PEX7: variants seen among roughly 807,000 people sequenced by gnomAD.
PEX7 encodes the protein PTS2 receptor.
PEX7 carries 34 observed loss-of-function variants against 47.5 expected under a neutral mutation model. The ratio of observed to expected loss-of-function variants is 0.72; its 90% CI spans 0.54 to 0.95. The LOEUF (loss-of-function observed/expected upper bound fraction) is 0.95, where lower values mean the gene tolerates loss of function less well. PEX7 is among the 40% of genes least tolerant of loss of function. The pLI is 0.00. For synonymous variants in PEX7, 141 were observed against 148.8 expected (o/e 0.95, Z 0.38); for missense variants, 394 against 400.3 (o/e 0.98, Z 0.13).
chr6:136,849,719 A>AGTTTGTTATAATTTCTGTTC (rs1774701293), intron 5 of PEX7, among the ~76,000 whole-genome samples: 1 of 152,102 alleles, frequency 6.6e-6, no homozygotes, highest in Non-Finnish European at 1.5e-5. Flanking sequence ...TCCGGGAGAA[A>AGTTTGTTATAATTTCTGTTC]GTTTGTTATA....
intron 3 of PEX7, among the ~76,000 whole-genome samples, chr6:136,836,292 AGTG>A (rs1181402422): frequency 6.6e-6 from 1 of 152,016 alleles, no homozygotes; most frequent in Non-Finnish European, 1.5e-5. Flanking sequence ...AAATATATAT[AGTG>A]TATATACATT....
intron 1 of PEX7, chr6:136,823,273 G>T (rs537750907): frequency 7.1e-6 from 7 of 985,444 alleles, no homozygotes; most frequent in Non-Finnish European, 8.4e-6. Flanking sequence ...CCTTCCTAAG[G>T]ACGATGCTCC....
chr6:136,825,813 G>A lies in PEX7; in HGVS notation c.189-506G>A, dbSNP rs150680931. The stretch of plus-strand genomic sequence containing the variant: ...GCCTCCCAAAGTGGGTATTATATGC[G>A]TGAGCCACTGGGCCCAGCCTAAAAA... On this transcript the variant is annotated intron_variant, in intron 2 of 9. Coordinates refer to ENST00000318471, the MANE Select transcript of PEX7 (RefSeq NM_000288.4). 9.1e-3 allele frequency among the ~76,000 whole-genome samples: 1,391 copies of A among 152,174 alleles called. 23 individuals carry two copies. The highest frequency in any genetic ancestry group is 0.03 in the African/African-American group (1,263 of 41,506).
Position 136,900,132 on chromosome 6 carries a change from A to G in PEX7, c.903+1891A>G, listed in dbSNP as rs1173482602. The G allele has an allele frequency of 6.5e-6, 1 of 154,196 alleles. No individual in the cohort carries two copies. 9.6% of individuals were successfully genotyped at this position (154,196 alleles called of 1,614,324 possible). On this transcript the variant is annotated intron_variant, in intron 9 of 9. Transcript: ENST00000318471. The surrounding 1 kb of genome is among the most constrained non-coding windows in gnomAD (Gnocchi z 4.2). ...TCCTCGCCCAGGTCTGAAGAATACC[A>G]GATGTTTTCTAAATCCTCCACACAT...
At chr6:136,906,164 T>C (rs1010887485) in intron 9 of PEX7, among the ~76,000 whole-genome samples, 1 of 152,096 alleles carries the variant, frequency 6.6e-6, no homozygotes, top group Non-Finnish European at 1.5e-5. Flanking sequence ...ACGTTAAAGG[T>C]AGGAGCAAGG....
intron 8 of PEX7, among the ~76,000 whole-genome samples, chr6:136,875,327 G>C (rs1775252250): frequency 6.6e-6 from 1 of 151,126 alleles, no homozygotes; most frequent in African/African-American, 2.4e-5. Context: ...TCAAACTATA[G>C]CCCATAGATT....
At chr6:136,842,672 T>A (rs1240357008) in intron 3 of PEX7, among the ~76,000 whole-genome samples, 1 of 152,260 alleles carries the variant, frequency 6.6e-6, no homozygotes, top group African/African-American at 2.4e-5. Flanking sequence ...TAACCAATGT[T>A]TGAGTGCCTA....
At chr6:136,845,497 T>C in intron 3 of PEX7, 118 bp from the exon 4 acceptor site, 3 of 728,598 alleles carry the variant, frequency 4.1e-6, no homozygotes, top group Non-Finnish European at 7.6e-6. Flanking sequence ...TAGGAATTAT[T>C]TGATGTTTTG....
Position 136,862,525 on chromosome 6 carries a change from G to T in PEX7, c.527-4102G>T, listed in dbSNP as rs1774985992. Reference sequence around the variant, plus strand: ...AGAGTAGCTGGGACTACAGGTGTGTGCCACCATGCCTGGCTAATTTTTAAA... The same window carrying T: ...AGAGTAGCTGGGACTACAGGTGTGTTCCACCATGCCTGGCTAATTTTTAAA... On this transcript the variant is annotated intron_variant, in intron 5 of 9. Transcript: ENST00000318471. 3.3e-5 allele frequency among the ~76,000 whole-genome samples: 5 copies of T among 152,018 alleles called. No individual in the cohort carries two copies. The South Asian group carries it at 1.0e-3, about 31-fold the overall frequency.
chr6:136,908,153 A>G (rs1775874704), intron 9 of PEX7, among the ~76,000 whole-genome samples: 1 of 152,190 alleles, frequency 6.6e-6, no homozygotes, highest in Non-Finnish European at 1.5e-5. Flanking sequence ...ATTGACATAA[A>G]TTTCTGTTCA....
rs144254082 is a variant in PEX7, at chr6:136,846,793, G to A, written c.526+612G>A. 4.0e-3 allele frequency among the ~76,000 whole-genome samples: 610 copies of A among 152,224 alleles called. 3 individuals carry two copies. Among genetic ancestry groups the A allele is most frequent in the African/African-American group, 0.014 (582 of 41,540 alleles). On this transcript the variant is annotated intron_variant, in intron 5 of 9. Transcript: ENST00000318471. ...AGTCTTTGTTATTGTGCATAGCGCC[G>A]CAGTAAACATACATATGCATGTCTT...
chr6:136,892,250 T>C (rs1044809570), intron 8 of PEX7, among the ~76,000 whole-genome samples: 3 of 152,354 alleles, frequency 2.0e-5, no homozygotes, highest in East Asian at 1.9e-4. Context: ...CTTTGGCTTA[T>C]GAAATTCTTT....
intron 9 of PEX7, among the ~76,000 whole-genome samples, chr6:136,898,962 A>G (rs1417760143): frequency 2.0e-5 from 3 of 152,164 alleles, no homozygotes; most frequent in African/African-American, 7.2e-5. Context: ...ATTGTAGAGC[A>G]TGACTGTGAA....
chr6:136,872,290 C>A (rs1214584619), intron 8 of PEX7, 37 bp downstream of exon 8: 4 of 1,531,962 alleles, frequency 2.6e-6, no homozygotes, highest in Non-Finnish European at 3.6e-6. Flanking sequence ...TGTGAAATAC[C>A]AGGTAACATT....
chr6:136,848,627 G>A (rs548702498), intron 5 of PEX7, among the ~76,000 whole-genome samples: 46 of 152,148 alleles, frequency 3.0e-4, no homozygotes, highest in African/African-American at 1.1e-3. Context: ...TTTGTCTTTG[G>A]TTCTGTTTAT....
intron 8 of PEX7, among the ~76,000 whole-genome samples, chr6:136,874,012 G>T (rs1052677269): frequency 1.3e-5 from 2 of 152,126 alleles, no homozygotes; most frequent in Non-Finnish European, 2.9e-5. Context: ...GTGTTGAATT[G>T]TGTTTGCTAA....
At chr6:136,859,679 A>T (rs1312377812) in intron 5 of PEX7, among the ~76,000 whole-genome samples, 3 of 152,168 alleles carry the variant, frequency 2.0e-5, no homozygotes, top group East Asian at 3.8e-4. Context: ...GCAATTTGAA[A>T]TTAGACATAG....
intron 8 of PEX7, among the ~76,000 whole-genome samples, chr6:136,895,656 A>G (rs1428058793): frequency 6.6e-6 from 1 of 152,190 alleles, no homozygotes; most frequent in Non-Finnish European, 1.5e-5. Flanking sequence ...TGTTTTTAAA[A>G]TGTTGGTCTA....
At chr6:136,860,110 A>G (rs998567822) in intron 5 of PEX7, among the ~76,000 whole-genome samples, 1 of 152,150 alleles carries the variant, frequency 6.6e-6, no homozygotes, top group African/African-American at 2.4e-5. Flanking sequence ...CTATGGCACC[A>G]TCACAGGGCC....
Sources: allele counts gnomAD v4.1 joint callset (sites outside exome capture counted in the v4.1 genomes callset), GRCh38; gene constraint gnomAD v4.1.1; non-coding constraint Gnocchi (gnomAD v3.1); transcripts MANE v1.5; gene names NCBI Gene and HGNC (gene_info 2026-07-23, HGNC 2026-07-21).